The following ARID1B variants were observed in gnomAD, a reference collection of about 807,000 sequenced individuals.
ARID1B encodes AT-rich interactive domain-containing protein 1B.
ARID1B carries 30 observed loss-of-function variants against 212.3 expected under a neutral mutation model. That is an observed-to-expected ratio of 0.14 (90% CI 0.11 to 0.19). ARID1B has a LOEUF of 0.19. Ranked by LOEUF, ARID1B falls within the 10% of genes least tolerant of loss-of-function variation. The pLI, the probability that ARID1B is intolerant of heterozygous loss-of-function variation, is 1.00. For synonymous variants in ARID1B, 1,402 were observed against 1,301.7 expected (o/e 1.08, Z -1.66); for missense variants, 2,891 against 3,204.0 (o/e 0.90, Z 2.36).
chr6:157,110,088 G>A (rs1786791258), intron 5 of ARID1B, among the ~76,000 whole-genome samples: 1 of 152,184 alleles, frequency 6.6e-6, no homozygotes, highest in South Asian at 2.1e-4. Flanking sequence ...ATGAGTAATT[G>A]TTGGCCACTC....
intron 3 of ARID1B, among the ~76,000 whole-genome samples, chr6:156,908,571 C>T (rs1221115438): frequency 6.6e-6 from 1 of 151,712 alleles, no homozygotes; most frequent in East Asian, 1.9e-4. Context: ...TGTTCTTCCC[C>T]CCCGCCCCCA....
rs1778961039 is a variant in ARID1B, at chr6:156,779,035, G to C, written c.1355G>C (p.Ser452Thr). ...GGSSAGYGVLSSPRQQGGGMM... is the reference protein window; with the variant it reads ...GGSSAGYGVLTSPRQQGGGMM... ...TCGTCCGCGGGGTACGGGGTGCTGA[G>C]CTCCCCCCGGCAGCAGGGCGGCGGC... is the stretch of plus-strand genomic sequence containing the variant. The change falls in exon 1 of 20, where the codon AGC becomes ACC. Residue 452 changes from serine (S) to threonine (T), a missense_variant. Ser to Thr is a moderately conservative substitution (Grantham distance 58, BLOSUM62 1). Transcript: ENST00000636930. 2.4e-6 allele frequency: 3 copies of C among 1,230,160 alleles called. No homozygotes were observed. The highest frequency in any genetic ancestry group is 3.0e-6 in the Non-Finnish European group (3 of 990,826). The allele number at this position is 1,230,160 out of a possible 1,614,324, so 76.2% of individuals were successfully genotyped here.
intron 2 of ARID1B, among the ~76,000 whole-genome samples, chr6:156,842,989 T>C (rs1455082248): frequency 1.3e-5 from 2 of 152,236 alleles, no homozygotes; most frequent in South Asian, 2.1e-4. Flanking sequence ...CACATTCCAC[T>C]GGTGTTAGGC....
At chr6:156,956,170 G>T (rs1457739301) in intron 4 of ARID1B, among the ~76,000 whole-genome samples, 1 of 152,126 alleles carries the variant, frequency 6.6e-6, no homozygotes, top group Non-Finnish European at 1.5e-5. Flanking sequence ...GCAGGGGAAG[G>T]AGGTGGGAGG....
At chr6:156,922,234 G>A (rs984340210) in intron 3 of ARID1B, among the ~76,000 whole-genome samples, 2 of 149,794 alleles carry the variant, frequency 1.3e-5, no homozygotes, top group African/African-American at 4.9e-5. Context: ...GTGCAGTGGT[G>A]CAATCTCAGC....
chr6:156,857,623 C>T (rs1253789987), intron 2 of ARID1B, among the ~76,000 whole-genome samples: 4 of 152,194 alleles, frequency 2.6e-5, no homozygotes, highest in African/African-American at 9.6e-5. Context: ...TTTTTTGTTT[C>T]AGTTTGGCTT....
chr6:156,979,218 A>G (rs866351654), intron 4 of ARID1B, among the ~76,000 whole-genome samples: 2 of 152,338 alleles, frequency 1.3e-5, no homozygotes, highest in South Asian at 4.1e-4. Flanking sequence ...CAAAGAATAT[A>G]TATATTGTGC....
intron 8 of ARID1B, 53 bp from the exon 9 acceptor site, chr6:157,166,987 C>G (rs965002623): frequency 2.5e-6 from 4 of 1,584,838 alleles, no homozygotes; most frequent in Non-Finnish European, 2.6e-6. Flanking sequence ...CAGGGCAAAC[C>G]ACTGCTAATG....
chr6:156,977,835 A>C (rs1030101836), intron 4 of ARID1B, among the ~76,000 whole-genome samples: 1 of 152,142 alleles, frequency 6.6e-6, no homozygotes, highest in African/African-American at 2.4e-5. Flanking sequence ...CAGGCATATT[A>C]CTTGGAAACA....
At chr6:157,089,306 C>CT (rs1349366665) in intron 5 of ARID1B, among the ~76,000 whole-genome samples, 1 of 152,184 alleles carries the variant, frequency 6.6e-6, no homozygotes, top group Non-Finnish European at 1.5e-5. Context: ...TCCCAAATGG[C>CT]TGATTCTGTT....
At position 156,901,331 on chromosome 6, in the gene ARID1B, T is replaced by G. The variant is rs746489368; in HGVS notation, c.1987-45T>G. The G allele has an allele frequency of 1.9e-6, 3 of 1,611,490 alleles. No homozygotes were observed. The East Asian group carries it at 6.7e-5, about 36-fold the overall frequency. Reference sequence around the variant, plus strand: ...GAAACCATATTTGATTTCATTTAATTGCACATTTTGACTTTCTCATTTGCT... The same window carrying G: ...GAAACCATATTTGATTTCATTTAATGGCACATTTTGACTTTCTCATTTGCT... On this transcript the variant is annotated intron_variant, in intron 2 of 19. Coordinates refer to ENST00000636930, the MANE Select transcript of ARID1B (RefSeq NM_001374828.1).
intron 4 of ARID1B, among the ~76,000 whole-genome samples, chr6:157,077,940 A>G (rs997835277): frequency 1.3e-5 from 2 of 151,990 alleles, no homozygotes; most frequent in Admixed American, 1.3e-4. Flanking sequence ...TCAGTATCTC[A>G]CTTTTTTATA....
At chr6:156,953,774 A>C (rs961541326) in intron 4 of ARID1B, among the ~76,000 whole-genome samples, 2 of 152,230 alleles carry the variant, frequency 1.3e-5, no homozygotes, top group Non-Finnish European at 2.9e-5. Flanking sequence ...TAGCGTTGCT[A>C]TGGTGACAGG....
At chr6:157,057,731 C>T (rs1045999981) in intron 4 of ARID1B, among the ~76,000 whole-genome samples, 1 of 152,046 alleles carries the variant, frequency 6.6e-6, no homozygotes, top group African/African-American at 2.4e-5. Flanking sequence ...AATTTAAAAA[C>T]GTATATAAAG....
chr6:157,197,285 C>G (rs906557215), intron 16 of ARID1B, among the ~76,000 whole-genome samples: 1 of 152,262 alleles, frequency 6.6e-6, no homozygotes, highest in African/African-American at 2.4e-5. Context: ...CAGGGTGGAG[C>G]TGACTTCGGG....
intron 4 of ARID1B, among the ~76,000 whole-genome samples, chr6:156,990,740 C>T (rs1203356496): frequency 6.6e-6 from 1 of 152,188 alleles, no homozygotes; most frequent in Non-Finnish European, 1.5e-5. Flanking sequence ...CATCCTCCTT[C>T]CTCAGCCTCC....
At chr6:157,009,504 G>A (rs1485323489) in intron 4 of ARID1B, among the ~76,000 whole-genome samples, 1 of 152,160 alleles carries the variant, frequency 6.6e-6, no homozygotes, top group Non-Finnish European at 1.5e-5. Context: ...TTAGAGACAA[G>A]TGTAGTTTCT....
intron 7 of ARID1B, among the ~76,000 whole-genome samples, chr6:157,147,029 A>G (rs551246744): frequency 7.9e-5 from 12 of 152,250 alleles, no homozygotes; most frequent in Non-Finnish European, 1.5e-4. Context: ...ATTGGAAGAA[A>G]TGAATGAATT....
At chr6:156,978,732 T>C (rs1777417194) in intron 4 of ARID1B, among the ~76,000 whole-genome samples, 1 of 152,216 alleles carries the variant, frequency 6.6e-6, no homozygotes, top group South Asian at 2.1e-4. Context: ...TTAGTATGAT[T>C]CAAAAGAGAA....
Sources: gnomAD v4.1 joint callset for allele counts (sites outside exome capture counted in the v4.1 genomes callset) on GRCh38, gnomAD v4.1.1 for gene constraint, MANE v1.5 for transcripts, NCBI Gene and HGNC (gene_info 2026-07-23, HGNC 2026-07-21) for gene names.